M1AP: variants seen among roughly 807,000 people sequenced by gnomAD.
The protein encoded by M1AP is meiosis 1 associated protein.
In M1AP, 39 loss-of-function variants were observed where a neutral mutation model predicts 51.2. The observed-to-expected ratio is 0.76, with a 90% CI of 0.59 to 1.00. M1AP has a LOEUF of 1.00. Among genes scored for constraint, M1AP ranks in the 50% least tolerant of loss-of-function variants. M1AP has a pLI of 0.00. For missense variants in M1AP, 545 were observed against 641.2 expected (o/e 0.85, Z 1.62); for synonymous variants, 251 against 249.2 (o/e 1.01, Z -0.07).
At chr2:74,574,522 T>C (rs996062506) in intron 7 of M1AP, among the ~76,000 whole-genome samples, 9 of 152,240 alleles carry the variant, frequency 5.9e-5, no homozygotes, top group African/African-American at 1.9e-4. Flanking sequence ...TTGACTAGTC[T>C]ACTGCAATAC....
chr2:74,567,953 A>G (rs931670351), intron 7 of M1AP, among the ~76,000 whole-genome samples: 5 of 152,270 alleles, frequency 3.3e-5, no homozygotes, highest in African/African-American at 4.8e-5. Context: ...TTTCAAGTGA[A>G]AAATCAGGGA....
intron 3 of M1AP, among the ~76,000 whole-genome samples, chr2:74,609,791 T>A: frequency 6.6e-6 from 1 of 152,318 alleles, no homozygotes; most frequent in East Asian, 1.9e-4. Context: ...TGGGTTTGAT[T>A]TGCATTTCTC....
chr2:74,610,400 C>T (rs1681267450), intron 3 of M1AP, among the ~76,000 whole-genome samples: 1 of 151,974 alleles, frequency 6.6e-6, no homozygotes, highest in South Asian at 2.1e-4. Context: ...GTTGCCTGTG[C>T]TTTTGAGGTC....
chr2:74,588,551 C>T (rs938967450), intron 4 of M1AP, among the ~76,000 whole-genome samples: 6 of 152,204 alleles, frequency 3.9e-5, no homozygotes, highest in South Asian at 2.1e-4. Context: ...CAGCTTACAA[C>T]GGTGAGGCAG....
intron 1 of M1AP, among the ~76,000 whole-genome samples, chr2:74,644,741 C>G (rs1385499063): frequency 6.6e-6 from 1 of 151,906 alleles, no homozygotes; most frequent in Non-Finnish European, 1.5e-5. Context: ...CATCTTGAAC[C>G]AGAAACCCAA....
At chr2:74,616,523 C>T in intron 2 of M1AP, among the ~76,000 whole-genome samples, 1 of 152,026 alleles carries the variant, frequency 6.6e-6, no homozygotes, top group East Asian at 1.9e-4. Flanking sequence ...ACTCATATTT[C>T]CATTTCACTT....
intron 2 of M1AP, among the ~76,000 whole-genome samples, chr2:74,627,682 T>C (rs965810954): frequency 6.6e-6 from 1 of 152,168 alleles, no homozygotes; most frequent in Non-Finnish European, 1.5e-5. Flanking sequence ...TAAACTATGA[T>C]GATTCCATTC....
At chr2:74,564,254 G>A (rs1291023512) in intron 7 of M1AP, among the ~76,000 whole-genome samples, 2 of 152,186 alleles carry the variant, frequency 1.3e-5, no homozygotes, top group African/African-American at 4.8e-5. Context: ...GTGTAGGGGA[G>A]GCTCTGCACT....
chr2:74,568,235 G>A (rs1678511960), intron 7 of M1AP, among the ~76,000 whole-genome samples: 1 of 152,214 alleles, frequency 6.6e-6, no homozygotes, highest in Admixed American at 6.5e-5. Context: ...AGATAGCAAA[G>A]GGGGAATAAA....
intron 7 of M1AP, among the ~76,000 whole-genome samples, chr2:74,564,659 T>G (rs1318777808): frequency 1.3e-5 from 2 of 152,202 alleles, no homozygotes; most frequent in African/African-American, 4.8e-5. Context: ...GAAAGTCAGC[T>G]TGATGCTTAA....
chr2:74,646,082 T>TAGTG (rs1330434437), intron 1 of M1AP, among the ~76,000 whole-genome samples: 1 of 152,234 alleles, frequency 6.6e-6, no homozygotes, highest in Non-Finnish European at 1.5e-5. Flanking sequence ...TGATATAATA[T>TAGTG]AGTGATCAGT....
intron 4 of M1AP, among the ~76,000 whole-genome samples, chr2:74,582,601 T>G (rs1679474234): frequency 6.6e-6 from 1 of 152,216 alleles, no homozygotes. Flanking sequence ...TCTGGAAGGC[T>G]ATCATCAAAC....
chr2:74,648,116 G>A (rs1193780906), intron 1 of M1AP, 149 bp downstream of exon 1: 2 of 982,456 alleles, frequency 2.0e-6, no homozygotes, highest in Non-Finnish European at 1.2e-6. Flanking sequence ...CTCTCTCGGC[G>A]TCAGTCTTGC....
intron 1 of M1AP, among the ~76,000 whole-genome samples, chr2:74,641,178 T>C (rs1488497854): frequency 6.6e-6 from 1 of 152,258 alleles, no homozygotes; most frequent in African/African-American, 2.4e-5. Context: ...ACTTAATTGT[T>C]AGCCTCATTA....
rs370201720 is a variant in M1AP, at chr2:74,640,002, T to C, written c.240+34A>G. The C allele has an allele frequency of 3.2e-6, 5 of 1,579,856 alleles. No homozygotes were observed. In the African/African-American group the frequency reaches 6.8e-5, roughly 21 times the overall value. ...AGAAACCTTACCACTGTATTTGCTT[T>C]CAGGGTAAAATGAATAAATATAGAT... On this transcript the variant is annotated intron_variant, in intron 2 of 10. Coordinates refer to ENST00000421985, the MANE Select transcript of M1AP (RefSeq NM_001321739.2).
intron 4 of M1AP, among the ~76,000 whole-genome samples, chr2:74,588,114 C>T (rs1679823614): frequency 1.3e-5 from 2 of 152,222 alleles, no homozygotes; most frequent in East Asian, 1.9e-4. Flanking sequence ...CCCCGTCTCA[C>T]AGGGCCCTAA....
chr2:74,562,820 G>A (rs947673087), intron 7 of M1AP, among the ~76,000 whole-genome samples: 5 of 152,130 alleles, frequency 3.3e-5, no homozygotes, highest in Non-Finnish European at 7.4e-5. Flanking sequence ...GGAGGGTGAG[G>A]TGGGAGGATT....
chr2:74,587,602 A>AT (rs1302988696), intron 4 of M1AP, among the ~76,000 whole-genome samples: 2 of 152,188 alleles, frequency 1.3e-5, no homozygotes, highest in Non-Finnish European at 2.9e-5. Flanking sequence ...GTTCTTCACA[A>AT]ATACGACTAA....
intron 1 of M1AP, chr2:74,647,312 G>C: frequency 1.0e-6 from 1 of 985,294 alleles, no homozygotes; most frequent in Non-Finnish European, 1.2e-6. Flanking sequence ...CTGCCTCTGC[G>C]GATGTTCTGT....
Sources: allele counts gnomAD v4.1 joint callset (sites outside exome capture counted in the v4.1 genomes callset), GRCh38; gene constraint gnomAD v4.1.1; transcripts MANE v1.5; gene names NCBI Gene and HGNC (gene_info 2026-07-23, HGNC 2026-07-21).